WDR45B: variants seen among roughly 807,000 people sequenced by gnomAD.
WDR45B encodes the protein WD repeat domain 45B, also known as WD repeat domain phosphoinositide-interacting protein 3.
In WDR45B, 20 loss-of-function variants were observed where a neutral mutation model predicts 44.6. The ratio of observed to expected loss-of-function variants is 0.45; its 90% CI spans 0.32 to 0.65. The LOEUF is 0.65. Ranked by LOEUF, WDR45B falls within the 30% of genes least tolerant of loss-of-function variation. The pLI, the probability that WDR45B is intolerant of heterozygous loss-of-function variation, is 0.05. For missense variants in WDR45B, 323 were observed against 430.2 expected, an observed-to-expected ratio of 0.75 and a Z score of 2.20; for synonymous variants, 169 against 164.9, an observed-to-expected ratio of 1.02 and a Z score of -0.19.
intron 3 of WDR45B, chr17:82,629,720 C>T (rs751803535): frequency 3.1e-5 from 31 of 984,330 alleles, no homozygotes; most frequent in Non-Finnish European, 3.7e-5. Flanking sequence ...ACGCAGTTCA[C>T]GGGGCTCTGC....
Position 82,648,384 on chromosome 17 carries a change from C to G in WDR45B, c.-44G>C, listed in dbSNP as rs764948333. The stretch of plus-strand genomic sequence containing the variant: ...CGCCGCTCCTCAGCGCTGCATGCCT[C>G]TCGCTGGGGACGGCGGCCTGGTCCC... On this transcript the variant is annotated 5_prime_UTR_variant, in exon 1 of 10. Coordinates refer to ENST00000392325, the MANE Select transcript of WDR45B (RefSeq NM_019613.4). 9 of 1,593,428 alleles carry G rather than the reference C, an allele frequency of 5.6e-6. No homozygotes were observed. The highest frequency in any genetic ancestry group is 7.7e-6 in the Non-Finnish European group (9 of 1,172,000).
intron 6 of WDR45B, among the ~76,000 whole-genome samples, 197 bp downstream of exon 6, chr17:82,621,412 A>G (rs537564857): frequency 6.6e-6 from 1 of 152,242 alleles, no homozygotes; most frequent in African/African-American, 2.4e-5. Flanking sequence ...TAGAAATAAA[A>G]CCAGTCCCTG....
chr17:82,624,555 C>T (rs1008284940), intron 5 of WDR45B, among the ~76,000 whole-genome samples: 1 of 151,824 alleles, frequency 6.6e-6, no homozygotes, highest in Non-Finnish European at 1.5e-5. Context: ...CCACTGCGCC[C>T]GGCCGACTGT....
chr17:82,632,480 T>C (rs1277370808), intron 2 of WDR45B, among the ~76,000 whole-genome samples: 1 of 152,144 alleles, frequency 6.6e-6, no homozygotes, highest in African/African-American at 2.4e-5. Context: ...CTCCCAACTG[T>C]TCATGAATTA....
chr17:82,645,643 T>C (rs1278850989), intron 1 of WDR45B, among the ~76,000 whole-genome samples: 1 of 152,176 alleles, frequency 6.6e-6, no homozygotes, highest in Non-Finnish European at 1.5e-5. Flanking sequence ...CTCCTAGGTA[T>C]ATAGAAGTAC....
At chr17:82,633,899 C>A (rs1055065027) in intron 2 of WDR45B, among the ~76,000 whole-genome samples, 6 of 151,984 alleles carry the variant, frequency 3.9e-5, no homozygotes, top group Non-Finnish European at 7.4e-5. Context: ...CCTGTTATCT[C>A]AGCACTTCGG....
chr17:82,627,758 T>C (rs906823499), intron 3 of WDR45B, among the ~76,000 whole-genome samples: 1 of 152,270 alleles, frequency 6.6e-6, no homozygotes, highest in African/African-American at 2.4e-5. Flanking sequence ...CTGAGCGCGT[T>C]CATCTCTCTC....
chr17:82,647,455 G>A (rs1439890471), intron 1 of WDR45B, among the ~76,000 whole-genome samples: 1 of 152,208 alleles, frequency 6.6e-6, no homozygotes, highest in East Asian at 1.9e-4. Context: ...CCTCCCGCGG[G>A]AATCCGACCG....
rs114566258 is a variant in WDR45B at position 82,617,226 on chromosome 17, C to T, written c.806+70G>A. On this transcript the variant is annotated intron_variant, in intron 8 of 9. Coordinates refer to ENST00000392325, the MANE Select transcript of WDR45B (RefSeq NM_019613.4). ...CCCTGCTGGGGTGGGGGGCCTGTCC[C>T]GTCCACACTGAAACACTGGGGACTC... is the stretch of plus-strand genomic sequence containing the variant. 1,122 of 1,444,782 alleles carry T rather than the reference C, an allele frequency of 7.8e-4. 7 individuals are homozygous for T. In the African/African-American group the frequency reaches 0.014, roughly 18 times the overall value. The allele number at this position is 1,444,782 out of a possible 1,614,324, so 89.5% of individuals were successfully genotyped here. A position where few individuals can be genotyped will look rare whatever the true frequency, so the allele number is the denominator to read the frequency against.
intron 4 of WDR45B, chr17:82,625,851 T>A (rs1156234264): frequency 3.3e-6 from 1 of 305,358 alleles, no homozygotes; most frequent in South Asian, 3.1e-5. Flanking sequence ...AAGTAGAATA[T>A]CCTCGATCTG....
At chr17:82,646,491 A>C (rs1389378232) in intron 1 of WDR45B, among the ~76,000 whole-genome samples, 1 of 112,116 alleles carries the variant, frequency 8.9e-6, no homozygotes, top group African/African-American at 3.5e-5. Context: ...TCCGTCTCAA[A>C]AAAAAAAAAA....
At chr17:82,646,305 C>A (rs1395496105) in intron 1 of WDR45B, among the ~76,000 whole-genome samples, 1 of 151,042 alleles carries the variant, frequency 6.6e-6, no homozygotes, top group Non-Finnish European at 1.5e-5. Context: ...AGACTCAACA[C>A]GGAGAAACCC....
At chr17:82,616,824 ATT>A (rs571981426) in intron 8 of WDR45B, among the ~76,000 whole-genome samples, 179 bp from the exon 9 acceptor site, 1 of 149,614 alleles carries the variant, frequency 6.7e-6, no homozygotes, top group Middle Eastern at 3.2e-3. Context: ...TAAAAAAAAA[ATT>A]TTTTTTTTTG....
chr17:82,622,421 T>G (rs889088976), intron 5 of WDR45B, among the ~76,000 whole-genome samples: 2 of 152,126 alleles, frequency 1.3e-5, no homozygotes, highest in South Asian at 4.2e-4. Context: ...ATAAAGGCAC[T>G]GGAACAGCCC....
intron 1 of WDR45B, chr17:82,644,721 A>G (rs9303031): frequency 0.82 from 125,985 of 152,836 alleles, 52,290 homozygotes; most frequent in African/African-American, 0.91. Context: ...CTTAAATGCC[A>G]TGTCCAACTG....
At chr17:82,631,054 A>G in intron 2 of WDR45B, 32 bp from the exon 3 acceptor site, 2 of 1,570,330 alleles carry the variant, frequency 1.3e-6, no homozygotes, top group South Asian at 2.2e-5. Context: ...GACCAATGTT[A>G]CAAGTTAATA....
In WDR45B at chr17:82,621,669, AC is replaced by A; in HGVS notation, c.557del (p.Gly186ValfsTer3). ...GGTTGAGTGCAATGCAGCTCAGGACACCCTCGTGTGCAGGAATGTCCACGGG... is the reference window on the plus strand; with the variant it reads ...GGTTGAGTGCAATGCAGCTCAGGACACCTCGTGTGCAGGAATGTCCACGGG... Reference protein sequence around the residue: ...KPPVDIPAHEGVLSCIALNLQ... With the variant: ...KPPVDIPAHEXVLSCIALNLQ... On this transcript the variant is annotated frameshift_variant, in exon 6 of 10. Coordinates refer to ENST00000392325, the MANE Select transcript of WDR45B (RefSeq NM_019613.4). LOFTEE classifies it high-confidence loss of function. 6.2e-7 allele frequency: 1 copy of A among 1,614,142 alleles called. No individual in the cohort carries two copies. The highest frequency in any genetic ancestry group is 8.5e-7 in the Non-Finnish European group (1 of 1,180,022).
chr17:82,631,974 C>G (rs1003717733), intron 2 of WDR45B, among the ~76,000 whole-genome samples: 2 of 151,844 alleles, frequency 1.3e-5, no homozygotes, highest in African/African-American at 4.8e-5. Context: ...CCCAGCCACT[C>G]AGGAGCTGAG....
rs1273691758 is a variant in WDR45B, at chr17:82,630,999, G to C, written c.166C>G (p.His56Asp). ...KQEFLEGGVG[H>D]VEMLFRCNYL... is the part of the protein sequence containing the mutation. ...TTGCAGCGAAATAACATTTCAACAT[G>C]GCCAACTCCTCCTTCTAGAAATTCT... Residue 56 changes from histidine (H) to aspartate (D), a missense_variant, in exon 3 of 10, where the codon CAT becomes GAT. Transcript: ENST00000392325. The C allele has an allele frequency of 5.0e-6, 8 of 1,613,874 alleles. No homozygotes were observed. In the East Asian group the frequency reaches 1.3e-4, roughly 27 times the overall value.
Sources: allele counts gnomAD v4.1 joint callset (sites outside exome capture counted in the v4.1 genomes callset), GRCh38; gene constraint gnomAD v4.1.1; transcripts MANE v1.5; gene names NCBI Gene and HGNC (gene_info 2026-07-23, HGNC 2026-07-21).